IGF1: variants seen among roughly 807,000 people sequenced by gnomAD.
The protein encoded by IGF1 is insulin-like growth factor 1.
A neutral mutation model predicts 13.8 loss-of-function variants in IGF1; 4 were observed. The observed-to-expected ratio is 0.29, with a 90% CI of 0.14 to 0.66. The LOEUF (loss-of-function observed/expected upper bound fraction) is 0.66. Among genes scored for constraint, IGF1 ranks in the 30% least tolerant of loss-of-function variants. The pLI is 0.78. For missense variants in IGF1, 124 were observed against 188.5 expected (o/e 0.66, Z 2.00); for synonymous variants, 76 against 72.6 (o/e 1.05, Z -0.23).
chr12:102,472,818 A>G (rs970933992), intron 2 of IGF1, among the ~76,000 whole-genome samples: 3 of 152,196 alleles, frequency 2.0e-5, no homozygotes, highest in Admixed American at 6.5e-5. Context: ...ACAGACATCA[A>G]TGTAGCCTGG....
chr12:102,402,995 A>T (rs575658863), intron 3 of IGF1, among the ~76,000 whole-genome samples: 3 of 152,334 alleles, frequency 2.0e-5, no homozygotes, highest in South Asian at 4.1e-4. Context: ...TGTAAAAAAG[A>T]GACATTTATT....
intron 2 of IGF1, among the ~76,000 whole-genome samples, chr12:102,427,311 T>C (rs1216188375): frequency 6.6e-6 from 1 of 152,154 alleles, no homozygotes; most frequent in Non-Finnish European, 1.5e-5. Flanking sequence ...TACACTCTTA[T>C]TGTTATTTTA....
At chr12:102,476,839 A>C (rs1220679102) in intron 1 of IGF1, among the ~76,000 whole-genome samples, 1 of 152,198 alleles carries the variant, frequency 6.6e-6, no homozygotes, top group Non-Finnish European at 1.5e-5. Context: ...TCAAGTCTTC[A>C]TCCTCACTCT....
intron 3 of IGF1, among the ~76,000 whole-genome samples, chr12:102,414,636 C>T (rs898927165): frequency 6.6e-6 from 1 of 152,062 alleles, no homozygotes; most frequent in Admixed American, 6.5e-5. Context: ...GTTGCCCAGG[C>T]TGGTCTTGAA....
intron 2 of IGF1, among the ~76,000 whole-genome samples, chr12:102,422,258 G>A (rs1426758799): frequency 3.9e-5 from 6 of 152,004 alleles, no homozygotes; most frequent in African/African-American, 1.2e-4. Context: ...TGAAATAGTG[G>A]TATACAGACT....
intron 2 of IGF1, among the ~76,000 whole-genome samples, chr12:102,424,649 T>C (rs1309226737): frequency 6.6e-6 from 1 of 152,158 alleles, no homozygotes; most frequent in East Asian, 1.9e-4. Flanking sequence ...AAAGTAGTCT[T>C]CATTTTAGCA....
chr12:102,452,412 G>A (rs1028773840), intron 2 of IGF1, among the ~76,000 whole-genome samples: 4 of 152,014 alleles, frequency 2.6e-5, no homozygotes, highest in African/African-American at 7.2e-5. Flanking sequence ...CTTTATAGCA[G>A]TGTGAGAATG....
chr12:102,451,828 G>A (rs1484792922), intron 2 of IGF1, among the ~76,000 whole-genome samples: 2 of 152,056 alleles, frequency 1.3e-5, no homozygotes, highest in East Asian at 1.9e-4. Flanking sequence ...GTGGAGGGAG[G>A]GACCTGGTGG....
At chr12:102,453,946 T>C (rs1879167975) in intron 2 of IGF1, among the ~76,000 whole-genome samples, 3 of 152,212 alleles carry the variant, frequency 2.0e-5, no homozygotes, top group Admixed American at 2.0e-4. Flanking sequence ...AGTGAGTTAA[T>C]ACATGTAAGT....
rs57084343 is a variant in IGF1, at chr12:102,441,915, C to CCTT, written c.221-22228_221-22226dup. ...GTCATTCTATTACACTGCTTCTTCT[C>CCTT]CTTCTTCTTCTTCTTCTTCTTCTTC... is the stretch of plus-strand genomic sequence containing the variant. On this transcript the variant is annotated intron_variant, in intron 2 of 3. Coordinates refer to ENST00000337514, the MANE Select transcript of IGF1 (RefSeq NM_000618.5). 8.5e-3 allele frequency among the ~76,000 whole-genome samples: 1,035 copies of CCTT among 122,156 alleles called. 24 individuals carry two copies. The highest frequency in any genetic ancestry group is 0.029 in the South Asian group (102 of 3,546). The allele number at this position is 122,156 out of a possible 152,430, so 80.1% of individuals were successfully genotyped here.
At chr12:102,416,123 C>T (rs1875118909) in intron 3 of IGF1, among the ~76,000 whole-genome samples, 1 of 152,178 alleles carries the variant, frequency 6.6e-6, no homozygotes, top group Non-Finnish European at 1.5e-5. Context: ...CATGGAGGAC[C>T]AGGCAGAAAG....
chr12:102,402,238 A>ATG lies in IGF1; in HGVS notation c.*268_*269insCA, dbSNP rs1873740565. ...GAGGCAGGGACTAAGATATATATAT[A>ATG]TATATATTTTTTTTTTCTTTTCTAT... On this transcript the variant is annotated 3_prime_UTR_variant, in exon 4 of 4. Coordinates refer to ENST00000337514, the MANE Select transcript of IGF1 (RefSeq NM_000618.5). 4.0e-6 allele frequency: 1 copy of ATG among 247,374 alleles called. No individual in the cohort carries two copies. The highest frequency in any genetic ancestry group is 7.7e-6 in the Non-Finnish European group (1 of 129,642). The allele number at this position is 247,374 out of a possible 1,614,324, so 15.3% of individuals were successfully genotyped here.
rs968952067 is a variant in IGF1 at position 102,401,452 on chromosome 12, A to T, written c.*1055T>A. 6.6e-6 allele frequency: 1 copy of T among 152,624 alleles called. No homozygotes were observed. The highest frequency in any genetic ancestry group is 1.9e-4 in the East Asian group (1 of 5,188). 9.5% of individuals were successfully genotyped at this position (152,624 alleles called of 1,614,324 possible). On this transcript the variant is annotated 3_prime_UTR_variant, in exon 4 of 4. Coordinates refer to ENST00000337514, the MANE Select transcript of IGF1 (RefSeq NM_000618.5). ...TCTGAAGTTCCTCTTGGAAGGCATAACTGGGGGGACTTTGCCTTCTTTCCC... is the reference window on the plus strand; with the variant it reads ...TCTGAAGTTCCTCTTGGAAGGCATATCTGGGGGGACTTTGCCTTCTTTCCC...
intron 1 of IGF1, chr12:102,478,468 G>T: frequency 6.3e-7 from 1 of 1,581,862 alleles, no homozygotes. Flanking sequence ...GAGGGCAACA[G>T]TCATAAGAAA....
intron 2 of IGF1, among the ~76,000 whole-genome samples, chr12:102,432,131 T>TAA (rs1876792016): frequency 6.6e-6 from 1 of 152,232 alleles, no homozygotes; most frequent in Non-Finnish European, 1.5e-5. Context: ...TTGGCATAGC[T>TAA]ACAGCCATAA....
chr12:102,403,768 G>A (rs368055744), intron 3 of IGF1, among the ~76,000 whole-genome samples: 4 of 151,222 alleles, frequency 2.6e-5, no homozygotes, highest in Admixed American at 6.6e-5. Context: ...CACTGCACCC[G>A]GCCTGGATAT....
At chr12:102,424,277 G>A in intron 2 of IGF1, among the ~76,000 whole-genome samples, 1 of 148,582 alleles carries the variant, frequency 6.7e-6, no homozygotes, top group African/African-American at 2.5e-5. Context: ...AAAGAGGTAA[G>A]ACAATTAACC....
intron 2 of IGF1, among the ~76,000 whole-genome samples, chr12:102,445,359 C>T (rs1454365395): frequency 1.3e-5 from 2 of 152,126 alleles, no homozygotes; most frequent in African/African-American, 2.4e-5. Flanking sequence ...TTGATTCTTC[C>T]TATCCATGAG....
chr12:102,414,849 C>T (rs1331032878), intron 3 of IGF1, among the ~76,000 whole-genome samples: 1 of 152,150 alleles, frequency 6.6e-6, no homozygotes, highest in Non-Finnish European at 1.5e-5. Flanking sequence ...ATGATTATTC[C>T]ATACATATTC....
Sources: gnomAD v4.1 joint callset for allele counts (sites outside exome capture counted in the v4.1 genomes callset) on GRCh38, gnomAD v4.1.1 for gene constraint, MANE v1.5 for transcripts, NCBI Gene and HGNC (gene_info 2026-07-23, HGNC 2026-07-21) for gene names.